Variants in PRKCB observed in about 807,000 individuals in gnomAD.
PRKCB encodes the protein protein kinase C beta.
In PRKCB, 13 loss-of-function variants were observed where a neutral mutation model predicts 81.5. The ratio of observed to expected loss-of-function variants is 0.16; its 90% CI spans 0.10 to 0.25. The LOEUF (loss-of-function observed/expected upper bound fraction) is 0.25. Ranked by LOEUF, PRKCB falls within the 10% of genes least tolerant of loss-of-function variation. The probability of loss-of-function intolerance (pLI) is 1.00; values close to 1 mark genes in which losing one functional copy is unlikely to be tolerated. For synonymous variants in PRKCB, 335 were observed against 321.4 expected, an observed-to-expected ratio of 1.04 and a Z score of -0.45; for missense variants, 509 against 875.7, an observed-to-expected ratio of 0.58 and a Z score of 5.29.
intron 16 of PRKCB, among the ~76,000 whole-genome samples, chr16:24,195,090 C>T (rs149911287): frequency 3.7e-4 from 56 of 152,026 alleles, no homozygotes; most frequent in African/African-American, 1.3e-3. Flanking sequence ...GTAGTCCCAG[C>T]TACTCAGGAG....
intron 2 of PRKCB, among the ~76,000 whole-genome samples, chr16:23,850,746 T>C (rs1962459324): frequency 6.6e-6 from 1 of 152,184 alleles, no homozygotes; most frequent in African/African-American, 2.4e-5. Flanking sequence ...CCACCAACAG[T>C]GTATGGGTCC....
intron 9 of PRKCB, among the ~76,000 whole-genome samples, chr16:24,140,420 G>A (rs1966887507): frequency 6.6e-6 from 1 of 152,096 alleles, no homozygotes; most frequent in Non-Finnish European, 1.5e-5. Context: ...TTCTCAAGAG[G>A]GGAATTATAA....
At chr16:24,011,675 C>G (rs1343888662) in intron 3 of PRKCB, among the ~76,000 whole-genome samples, 2 of 152,100 alleles carry the variant, frequency 1.3e-5, no homozygotes, top group Non-Finnish European at 2.9e-5. Context: ...CACCACCACA[C>G]CTGGCTAATT....
chr16:23,837,833 G>T (rs531587932), intron 2 of PRKCB, among the ~76,000 whole-genome samples: 1 of 152,310 alleles, frequency 6.6e-6, no homozygotes, highest in African/African-American at 2.4e-5. Flanking sequence ...GTCTCTGCAG[G>T]TGGCTGCCGC....
intron 5 of PRKCB, among the ~76,000 whole-genome samples, chr16:24,071,750 G>A (rs574364969): frequency 3.2e-4 from 48 of 152,054 alleles, no homozygotes; most frequent in East Asian, 1.9e-4. Flanking sequence ...GGGAACAGCC[G>A]GCAGCCAAGG....
At chr16:24,182,244 C>A (rs1596586502) in intron 13 of PRKCB, among the ~76,000 whole-genome samples, 1 of 152,076 alleles carries the variant, frequency 6.6e-6, no homozygotes, top group Non-Finnish European at 1.5e-5. Context: ...GCAGCTGGGG[C>A]ATGGTGGCTC....
At chr16:23,983,665 G>C (rs1964766682) in intron 2 of PRKCB, among the ~76,000 whole-genome samples, 1 of 152,020 alleles carries the variant, frequency 6.6e-6, no homozygotes, top group Non-Finnish European at 1.5e-5. Context: ...CTAGAGATGA[G>C]CTATCTTTAT....
chr16:23,839,877 C>T (rs1330138382), intron 2 of PRKCB, among the ~76,000 whole-genome samples: 1 of 152,122 alleles, frequency 6.6e-6, no homozygotes, highest in Non-Finnish European at 1.5e-5. Context: ...TATGATTGTC[C>T]CCAGACTACC....
chr16:24,172,226 G>T (rs747368009), intron 10 of PRKCB, 44 bp from the exon 11 acceptor site: 1 of 1,464,876 alleles, frequency 6.8e-7, no homozygotes, highest in African/African-American at 1.4e-5. Flanking sequence ...TGGAGCCCCA[G>T]AAGCTACGGG....
intron 2 of PRKCB, among the ~76,000 whole-genome samples, chr16:23,956,698 A>G (rs1156684534): frequency 6.6e-6 from 1 of 152,248 alleles, no homozygotes; most frequent in Non-Finnish European, 1.5e-5. Flanking sequence ...AATGTCTTTT[A>G]GAAGATAAAA....
intron 2 of PRKCB, among the ~76,000 whole-genome samples, chr16:23,970,846 G>A (rs181564832): frequency 1.3e-4 from 20 of 152,300 alleles, no homozygotes; most frequent in Admixed American, 1.1e-3. Flanking sequence ...GTGCAGAGTG[G>A]CTTATCCATA....
intron 3 of PRKCB, among the ~76,000 whole-genome samples, chr16:24,007,493 C>T (rs145003007): frequency 1.3e-5 from 2 of 152,312 alleles, no homozygotes; most frequent in East Asian, 1.9e-4. Flanking sequence ...CTCTCATTTG[C>T]CACGGGCTGA....
chr16:24,000,027 A>G (rs559573987), intron 3 of PRKCB, among the ~76,000 whole-genome samples: 11 of 152,306 alleles, frequency 7.2e-5, no homozygotes, highest in Admixed American at 1.3e-4. Context: ...CCAGGCTCCA[A>G]GAAGAGCAAG....
chr16:24,012,708 G>A (rs751526482), intron 3 of PRKCB, among the ~76,000 whole-genome samples: 2 of 152,224 alleles, frequency 1.3e-5, no homozygotes, highest in Non-Finnish European at 2.9e-5. Context: ...GTTCTGTTGT[G>A]TCAGCGTACC....
At chr16:24,165,220 T>G (rs1277793610) in intron 10 of PRKCB, among the ~76,000 whole-genome samples, 1 of 152,138 alleles carries the variant, frequency 6.6e-6, no homozygotes, top group Non-Finnish European at 1.5e-5. Flanking sequence ...TTTTTATTTT[T>G]TGTAGAGCCA....
chr16:23,888,717 A>G (rs1027077789), intron 2 of PRKCB, among the ~76,000 whole-genome samples: 3 of 152,102 alleles, frequency 2.0e-5, no homozygotes, highest in African/African-American at 7.2e-5. Flanking sequence ...CCAGGGCTTG[A>G]TAATCTTTTT....
At chr16:24,032,066 C>G in intron 3 of PRKCB, 70 bp from the exon 4 acceptor site, 1 of 1,132,404 alleles carries the variant, frequency 8.8e-7, no homozygotes, top group South Asian at 1.3e-5. Context: ...TCCAGTGCCT[C>G]TCGATGTAGG....
In PRKCB at chr16:24,123,869, A is replaced by G; in HGVS notation, c.953A>G (p.Glu318Gly). 1 of 1,614,168 alleles carries G rather than the reference A, an allele frequency of 6.2e-7. No individual in the cohort carries two copies. Among genetic ancestry groups the G allele is most frequent in the Non-Finnish European group, 8.5e-7 (1 of 1,180,020 alleles). ...ATCAGTCAGGGAACCAAGGTCCCGG[A>G]AGAAAAGACGACCAACACTGTCTCC... ...AKISQGTKVP[E>G]EKTTNTVSKF... The change falls in exon 9 of 17, where the codon GAA becomes GGA. Residue 318 changes from glutamate to glycine, a missense_variant. Physicochemically the swap from Glu to Gly is moderately conservative, Grantham distance 98. Around this residue, in one of 6 missense-constraint regions of PRKCB, gnomAD observed 80 missense variants for 89.4 expected, o/e 0.90. Transcript: ENST00000643927.
At chr16:23,899,943 T>C (rs186969126) in intron 2 of PRKCB, among the ~76,000 whole-genome samples, 4 of 152,200 alleles carry the variant, frequency 2.6e-5, no homozygotes, top group African/African-American at 9.6e-5. Flanking sequence ...TGTCTCAGCC[T>C]CCCAAAGTGC....
Sources: gnomAD v4.1 joint callset for allele counts (sites outside exome capture counted in the v4.1 genomes callset) on GRCh38, gnomAD v4.1.1 for gene constraint, gnomAD v4.1.1 regional missense constraint, MANE v1.5 for transcripts, NCBI Gene and HGNC (gene_info 2026-07-23, HGNC 2026-07-21) for gene names.